Variants in SAMD12 observed in about 807,000 individuals in gnomAD.
SAMD12 encodes sterile alpha motif domain containing 12, also known as sterile alpha motif domain-containing protein 12.
A neutral mutation model predicts 15.0 loss-of-function variants in SAMD12; 9 were observed. The observed-to-expected ratio is 0.60, with a 90% CI of 0.36 to 1.05. The LOEUF (loss-of-function observed/expected upper bound fraction) is 1.05. SAMD12 is among the 50% of genes least tolerant of loss of function. The probability of loss-of-function intolerance (pLI) is 0.01; values close to 1 mark genes in which losing one functional copy is unlikely to be tolerated. For missense variants in SAMD12, 230 were observed against 234.2 expected (o/e 0.98, Z 0.12); for synonymous variants, 86 against 90.1 (o/e 0.96, Z 0.25).
chr8:118,402,512 G>T (rs1352949530), intron 3 of SAMD12, among the ~76,000 whole-genome samples: 2 of 152,206 alleles, frequency 1.3e-5, no homozygotes, highest in African/African-American at 4.8e-5. Context: ...CTTATAAGGG[G>T]ACTGCTCTAG....
intron 3 of SAMD12, among the ~76,000 whole-genome samples, chr8:118,402,427 C>T (rs1038694607): frequency 5.3e-5 from 8 of 152,294 alleles, no homozygotes; most frequent in Admixed American, 5.2e-4. Flanking sequence ...AACACTGAAA[C>T]ATCATGGAGA....
intron 4 of SAMD12, among the ~76,000 whole-genome samples, chr8:118,247,275 G>C (rs1812718637): frequency 6.6e-6 from 1 of 152,058 alleles, no homozygotes; most frequent in African/African-American, 2.4e-5. Flanking sequence ...GCACGGATAG[G>C]GAAAGGAGAG....
At chr8:118,159,097 A>T in the SAMD12 span, among the ~76,000 whole-genome samples, 1 of 151,930 alleles carries the variant, frequency 6.6e-6, no homozygotes, top group East Asian at 2.0e-4. Flanking sequence ...ACCACATTTC[A>T]AGCATGAGAA....
the SAMD12 span, among the ~76,000 whole-genome samples, chr8:118,157,469 C>T: frequency 6.6e-6 from 1 of 152,160 alleles, no homozygotes; most frequent in African/African-American, 2.4e-5. Flanking sequence ...TCAGCTATTG[C>T]TGAAGCAAAA....
At chr8:118,476,157 A>G (rs79869263) in intron 2 of SAMD12, among the ~76,000 whole-genome samples, 1,765 of 152,310 alleles carry the variant, frequency 0.012, 13 homozygotes, top group South Asian at 0.023. Context: ...CCTGACCTGA[A>G]TGAAAAGAGG....
intron 1 of SAMD12, among the ~76,000 whole-genome samples, chr8:118,586,835 A>G (rs1166731388): frequency 6.6e-6 from 1 of 152,226 alleles, no homozygotes; most frequent in South Asian, 2.1e-4. Flanking sequence ...TAGACTGAGC[A>G]TAGATATGAT....
rs371480567 is a variant in SAMD12 at position 118,204,389 on chromosome 8, C to A, written c.434-6657G>T. Among the ~76,000 whole-genome samples, 83 of 152,142 alleles carry A rather than the reference C, an allele frequency of 5.5e-4. No homozygotes were observed. In the East Asian group the frequency reaches 0.013, roughly 23 times the overall value. ...AGAATTTGACGAAGAGAAGCGGGAT[C>A]GGGAGGGGGAGTTGCCCACTGAGAG... On this transcript the variant is annotated intron_variant, in intron 4 of 4. Coordinates refer to the SAMD12 transcript ENST00000409003.
chr8:118,540,976 C>T (rs1325859839), intron 2 of SAMD12, among the ~76,000 whole-genome samples: 2 of 152,098 alleles, frequency 1.3e-5, no homozygotes, highest in African/African-American at 4.8e-5. Flanking sequence ...TGAAATGATG[C>T]TGGGAGAGAG....
intron 2 of SAMD12, among the ~76,000 whole-genome samples, chr8:118,568,200 C>A (rs1826902129): frequency 6.6e-6 from 1 of 152,070 alleles, no homozygotes; most frequent in Non-Finnish European, 1.5e-5. Context: ...GGAGGTGATA[C>A]TAGAGCAAAG....
chr8:118,276,366 C>G (rs1387759909), intron 4 of SAMD12, among the ~76,000 whole-genome samples: 1 of 152,186 alleles, frequency 6.6e-6, no homozygotes, highest in Non-Finnish European at 1.5e-5. Context: ...ACGCAGTACA[C>G]TTCTTTTTCT....
At chr8:118,331,033 G>A (rs780537161) in intron 4 of SAMD12, among the ~76,000 whole-genome samples, 2 of 152,120 alleles carry the variant, frequency 1.3e-5, no homozygotes, top group Non-Finnish European at 1.5e-5. Flanking sequence ...AGGGTCAAAT[G>A]TAGGAAATTT....
intron 2 of SAMD12, among the ~76,000 whole-genome samples, chr8:118,508,600 T>C (rs1478062963): frequency 1.3e-5 from 2 of 152,222 alleles, no homozygotes; most frequent in Non-Finnish European, 2.9e-5. Context: ...CTCACCTCCA[T>C]GTCACTTGCA....
chr8:118,392,105 G>T (rs1820307231), intron 3 of SAMD12, among the ~76,000 whole-genome samples: 1 of 152,200 alleles, frequency 6.6e-6, no homozygotes, highest in Admixed American at 6.5e-5. Flanking sequence ...ATGTTGTGCT[G>T]AGTAACTACT....
chr8:118,318,275 A>C (rs879873736), intron 4 of SAMD12, among the ~76,000 whole-genome samples: 1 of 146,542 alleles, frequency 6.8e-6, no homozygotes, highest in Non-Finnish European at 1.5e-5. Flanking sequence ...CACAATTGCC[A>C]ATGAGTAGAT....
chr8:118,465,819 C>A (rs2130949396), intron 2 of SAMD12, among the ~76,000 whole-genome samples: 1 of 152,228 alleles, frequency 6.6e-6, no homozygotes, highest in South Asian at 2.1e-4. Flanking sequence ...TTCTTGGAAT[C>A]TAGGACTTCG....
intron 1 of SAMD12, among the ~76,000 whole-genome samples, chr8:118,584,026 T>C (rs1260884741): frequency 6.6e-6 from 1 of 152,200 alleles, no homozygotes. Context: ...TACGCAATCA[T>C]GCCTTAAATC....
chr8:118,391,430 C>A (rs767179131), intron 3 of SAMD12, among the ~76,000 whole-genome samples: 1 of 152,154 alleles, frequency 6.6e-6, no homozygotes, highest in African/African-American at 2.4e-5. Flanking sequence ...ATCCACTGGG[C>A]ATTAGACATC....
chr8:118,327,198 C>T (rs145749516), intron 4 of SAMD12, among the ~76,000 whole-genome samples: 19 of 152,250 alleles, frequency 1.2e-4, no homozygotes, highest in Admixed American at 5.9e-4. Flanking sequence ...GTTTTTTAAA[C>T]GACCTCCTGA....
intron 3 of SAMD12, among the ~76,000 whole-genome samples, chr8:118,426,446 T>C (rs1198309148): frequency 2.0e-5 from 3 of 152,218 alleles, no homozygotes; most frequent in Non-Finnish European, 4.4e-5. Context: ...GCATCACATG[T>C]ACTGGACAGA....
Sources: gnomAD v4.1 joint callset for allele counts (sites outside exome capture counted in the v4.1 genomes callset) on GRCh38, gnomAD v4.1.1 for gene constraint, MANE v1.5 for transcripts, NCBI Gene and HGNC (gene_info 2026-07-23, HGNC 2026-07-21) for gene names.